The following ERBB4 variants were observed in gnomAD, a reference collection of about 807,000 sequenced individuals.
ERBB4 encodes receptor tyrosine-protein kinase erbB-4.
In ERBB4, 42 loss-of-function variants were observed where a neutral mutation model predicts 158.0. The ratio of observed to expected loss-of-function variants is 0.27; its 90% CI spans 0.21 to 0.34. The LOEUF (loss-of-function observed/expected upper bound fraction) is 0.34, where lower values mean the gene tolerates loss of function less well. ERBB4 is among the 10% of genes least tolerant of loss of function. The pLI is 1.00. For missense variants in ERBB4, 1,333 were observed against 1,624.1 expected, an observed-to-expected ratio of 0.82 and a Z score of 3.08; for synonymous variants, 583 against 558.7, an observed-to-expected ratio of 1.04 and a Z score of -0.61.
At chr2:212,450,299 T>C (rs1042167458) in intron 1 of ERBB4, among the ~76,000 whole-genome samples, 4 of 152,136 alleles carry the variant, frequency 2.6e-5, no homozygotes, top group African/African-American at 7.2e-5. Flanking sequence ...TACATGGCAA[T>C]AGGGATTTTA....
intron 1 of ERBB4, among the ~76,000 whole-genome samples, chr2:212,338,036 A>C (rs775514027): frequency 2.0e-5 from 3 of 152,148 alleles, no homozygotes; most frequent in Non-Finnish European, 2.9e-5. Context: ...TGTCCAGGGC[A>C]GACTTTATGT....
chr2:211,796,867 A>C (rs570337033), intron 3 of ERBB4, among the ~76,000 whole-genome samples: 18 of 152,070 alleles, frequency 1.2e-4, no homozygotes, highest in African/African-American at 4.3e-4. Context: ...TGTAACCCTC[A>C]TAACTTATTT....
rs1212520732 is a variant in ERBB4, at chr2:211,379,019, T to C, written c.*4596A>G. 4.3e-6 allele frequency: 1 copy of C among 231,768 alleles called. No homozygotes were observed. Among genetic ancestry groups the C allele is most frequent in the African/African-American group, 2.2e-5 (1 of 45,254 alleles). The allele number at this position is 231,768 out of a possible 1,614,324, so 14.4% of individuals were successfully genotyped here. On this transcript the variant is annotated 3_prime_UTR_variant, in exon 28 of 28. Coordinates refer to ENST00000342788, the MANE Select transcript of ERBB4 (RefSeq NM_005235.3). ...GAAGCTGATGCACATGGATTTCTCA[T>C]TTGCCCTATAACAATCATCATTCTA...
chr2:212,100,877 G>C (rs554646696), intron 2 of ERBB4, among the ~76,000 whole-genome samples: 45 of 152,188 alleles, frequency 3.0e-4, no homozygotes, highest in Non-Finnish European at 4.3e-4. Flanking sequence ...TTTCTGGAAG[G>C]TTACTATTCT....
At chr2:212,172,321 G>A (rs1451253624) in intron 1 of ERBB4, among the ~76,000 whole-genome samples, 5 of 152,116 alleles carry the variant, frequency 3.3e-5, no homozygotes, top group East Asian at 1.9e-4. Context: ...TGGTAGAAGT[G>A]TAAATTAGTT....
At chr2:212,230,373 C>T (rs889603593) in intron 1 of ERBB4, among the ~76,000 whole-genome samples, 2 of 152,068 alleles carry the variant, frequency 1.3e-5, no homozygotes, top group Non-Finnish European at 2.9e-5. Flanking sequence ...ATAAAATATG[C>T]TACTATCTCA....
At chr2:211,937,685 C>G (rs1315012476) in intron 3 of ERBB4, among the ~76,000 whole-genome samples, 1 of 152,000 alleles carries the variant, frequency 6.6e-6, no homozygotes, top group Non-Finnish European at 1.5e-5. Flanking sequence ...GGGGAAGCCC[C>G]TTATAAAACC....
At position 211,552,217 on chromosome 2, in the gene ERBB4, G is replaced by GA. The variant is rs1028174105; in HGVS notation, c.2487+9685dup. Among the ~76,000 whole-genome samples, 1,015 of 144,692 alleles carry GA rather than the reference G, an allele frequency of 7.0e-3. 6 individuals carry two copies. The highest frequency in any genetic ancestry group is 0.024 in the African/African-American group (945 of 39,694). 94.9% of individuals were successfully genotyped at this position (144,692 alleles called of 152,430 possible). On this transcript the variant is annotated intron_variant, in intron 20 of 27. Transcript: ENST00000342788. ...TTGGTGATAACGTAGAGTTGGAAAT[G>GA]AAAAAAAAAAATTGAGAAAGTCTAT... is the stretch of plus-strand genomic sequence containing the variant.
At chr2:211,562,917 G>A (rs1286386880) in intron 19 of ERBB4, among the ~76,000 whole-genome samples, 4 of 150,808 alleles carry the variant, frequency 2.7e-5, no homozygotes, top group East Asian at 3.9e-4. Context: ...GACTACAGGC[G>A]CCCGCCACTA....
intron 1 of ERBB4, among the ~76,000 whole-genome samples, chr2:212,393,614 G>A (rs1172663658): frequency 6.6e-6 from 1 of 151,932 alleles, no homozygotes; most frequent in Non-Finnish European, 1.5e-5. Flanking sequence ...TGATACATAT[G>A]TATATATTAT....
intron 1 of ERBB4, among the ~76,000 whole-genome samples, chr2:212,502,649 G>C (rs140225274): frequency 5.3e-5 from 8 of 152,252 alleles, no homozygotes; most frequent in African/African-American, 1.9e-4. Context: ...ATTTCTCTTA[G>C]AGTTGGGTAT....
intron 20 of ERBB4, among the ~76,000 whole-genome samples, chr2:211,516,995 G>T (rs561468096): frequency 1.3e-5 from 2 of 152,230 alleles, no homozygotes; most frequent in East Asian, 3.9e-4. Context: ...AGCTTCTAAA[G>T]AAAAACATTT....
chr2:211,678,559 T>A (rs536157189), intron 13 of ERBB4, among the ~76,000 whole-genome samples: 7 of 152,320 alleles, frequency 4.6e-5, no homozygotes, highest in Admixed American at 1.3e-4. Flanking sequence ...ACTCATAATT[T>A]CAAATAAAAT....
At chr2:212,509,717 G>A (rs1220287949) in intron 1 of ERBB4, among the ~76,000 whole-genome samples, 1 of 151,914 alleles carries the variant, frequency 6.6e-6, no homozygotes, top group African/African-American at 2.4e-5. Flanking sequence ...CTATCACAGA[G>A]CCCCTGCTTC....
chr2:211,699,678 G>A (rs956035628), intron 12 of ERBB4, among the ~76,000 whole-genome samples: 1 of 151,794 alleles, frequency 6.6e-6, no homozygotes, highest in South Asian at 2.1e-4. Context: ...AAACTGCAAA[G>A]TCAATTCTTA....
rs1481561768 is a variant in ERBB4, at chr2:211,561,966, G to T, written c.2424C>A (p.Val808=). The T allele has an allele frequency of 6.2e-7, 1 of 1,614,098 alleles. No homozygotes were observed. The highest frequency in any genetic ancestry group is 8.5e-7 in the Non-Finnish European group (1 of 1,180,016). The change falls in exon 20 of 28, where the codon GTC becomes GTA. Residue 808 remains valine, a synonymous_variant. Transcript: ENST00000342788. The stretch of plus-strand genomic sequence containing the variant: ...ATCCAATGTTATCCTTGTGCTCGTG[G>T]ACATACTCCAACAGGCAGCCATGGG... ...LMPHGCLLEY[V]HEHKDNIGSQ... is the part of the protein sequence containing the mutation.
chr2:211,532,208 A>C (rs2066520273), intron 20 of ERBB4, among the ~76,000 whole-genome samples: 1 of 151,882 alleles, frequency 6.6e-6, no homozygotes, highest in Non-Finnish European at 1.5e-5. Flanking sequence ...AATGAATAAA[A>C]CCTAACATTT....
chr2:212,469,914 A>G (rs10194811), intron 1 of ERBB4, among the ~76,000 whole-genome samples: 8 of 151,854 alleles, frequency 5.3e-5, no homozygotes, highest in Non-Finnish European at 1.0e-4. Flanking sequence ...AACATCAGTT[A>G]TCTTTAGCTC....
intron 2 of ERBB4, among the ~76,000 whole-genome samples, chr2:212,027,277 A>G (rs1268598832): frequency 6.6e-6 from 1 of 152,098 alleles, no homozygotes; most frequent in African/African-American, 2.4e-5. Context: ...AATGTTCGTG[A>G]GAAATTATAT....
Sources: gnomAD v4.1 joint callset for allele counts (sites outside exome capture counted in the v4.1 genomes callset) on GRCh38, gnomAD v4.1.1 for gene constraint, MANE v1.5 for transcripts, NCBI Gene and HGNC (gene_info 2026-07-23, HGNC 2026-07-21) for gene names.